TRABD2B: variants seen among roughly 807,000 people sequenced by gnomAD.
The protein encoded by TRABD2B is TraB domain containing 2B.
A neutral mutation model predicts 40.1 loss-of-function variants in TRABD2B; 14 were observed. The observed-to-expected ratio is 0.35, with a 90% confidence interval of 0.23 to 0.55. The LOEUF is 0.55. TRABD2B is among the 20% of genes least tolerant of loss of function. TRABD2B has a pLI of 0.90. For synonymous variants in TRABD2B, 263 were observed against 277.0 expected (o/e 0.95, Z 0.50); for missense variants, 541 against 648.6 (o/e 0.83, Z 1.80).
At chr1:47,858,233 ATTTTAT>A in intron 2 of TRABD2B, among the ~76,000 whole-genome samples, 1 of 67,706 alleles carries the variant, frequency 1.5e-5, no homozygotes, top group African/African-American at 4.8e-5. Context: ...ATTTTATTTT[ATTTTAT>A]TTTATTTTAT....
intron 2 of TRABD2B, among the ~76,000 whole-genome samples, chr1:47,816,364 G>A (rs1391475187): frequency 6.6e-6 from 1 of 152,148 alleles, no homozygotes; most frequent in Non-Finnish European, 1.5e-5. Context: ...GAATAACCAT[G>A]AACTTCTTCA....
intron 2 of TRABD2B, among the ~76,000 whole-genome samples, chr1:47,843,951 C>A (rs1316059405): frequency 6.6e-6 from 1 of 152,184 alleles, no homozygotes; most frequent in Non-Finnish European, 1.5e-5. Flanking sequence ...TCTCGATGGG[C>A]ACCCAGCCCC....
intron 2 of TRABD2B, among the ~76,000 whole-genome samples, chr1:47,955,410 A>G (rs1174711308): frequency 2.0e-5 from 3 of 152,142 alleles, no homozygotes; most frequent in South Asian, 2.1e-4. Flanking sequence ...TTATCCTAAT[A>G]CTCAACTCTG....
chr1:47,889,524 T>C (rs1047265963), intron 2 of TRABD2B, among the ~76,000 whole-genome samples: 3 of 152,216 alleles, frequency 2.0e-5, no homozygotes, highest in Non-Finnish European at 4.4e-5. Context: ...TGGAAGTGAC[T>C]CAAGCCACTG....
At chr1:47,876,325 G>T (rs910845330) in intron 2 of TRABD2B, among the ~76,000 whole-genome samples, 1 of 152,168 alleles carries the variant, frequency 6.6e-6, no homozygotes, top group Non-Finnish European at 1.5e-5. Context: ...TGTCGTCATT[G>T]CCCTGACTTG....
intron 4 of TRABD2B, among the ~76,000 whole-genome samples, chr1:47,782,884 C>T (rs1375787008): frequency 1.3e-5 from 2 of 152,308 alleles, no homozygotes; most frequent in African/African-American, 4.8e-5. Context: ...CAAGGCTTGC[C>T]CAGGCTCCCC....
At chr1:47,986,991 G>A (rs948455150) in intron 2 of TRABD2B, among the ~76,000 whole-genome samples, 2 of 152,180 alleles carry the variant, frequency 1.3e-5, no homozygotes, top group African/African-American at 2.4e-5. Flanking sequence ...GGAAAAGAGC[G>A]TCAGCAGCCC....
At chr1:47,889,361 C>T (rs542544676) in intron 2 of TRABD2B, among the ~76,000 whole-genome samples, 1 of 152,330 alleles carries the variant, frequency 6.6e-6, no homozygotes, top group South Asian at 2.1e-4. Context: ...GAAACAATTT[C>T]TCACCTCTCA....
At position 47,782,947 on chromosome 1, in the gene TRABD2B, TG is replaced by T. The variant is rs559961569; in HGVS notation, c.989-4404del. ...CCTTCCAACACTGACAGCTGTTCTC[TG>T]GCCAGCTCTCTGCAGGAAGATACGT... On this transcript the variant is annotated intron_variant, in intron 4 of 6. Transcript: ENST00000606738. 6.0e-3 allele frequency among the ~76,000 whole-genome samples: 917 copies of T among 152,246 alleles called. 4 individuals carry two copies. The highest frequency in any genetic ancestry group is 8.6e-3 in the Non-Finnish European group (588 of 68,018).
intron 2 of TRABD2B, among the ~76,000 whole-genome samples, chr1:47,970,092 T>G (rs148632603): frequency 6.6e-6 from 1 of 152,104 alleles, no homozygotes; most frequent in African/African-American, 2.4e-5. Context: ...CATTGGTGAA[T>G]GGATGAATGG....
chr1:47,797,550 T>C lies in TRABD2B; in HGVS notation c.814-2790A>G, dbSNP rs887248322. Among the ~76,000 whole-genome samples the C allele has an allele frequency of 2.0e-5, 3 of 152,272 alleles. No homozygotes were observed. The South Asian group carries it at 6.2e-4, about 32-fold the overall frequency. On this transcript the variant is annotated intron_variant, in intron 3 of 6. Transcript: ENST00000606738. ...ACAAAGATGATTCTCCATTTGTTAA[T>C]TGGGGAGTCAAAAAAAATTAACAAG... is the stretch of plus-strand genomic sequence containing the variant.
intron 4 of TRABD2B, among the ~76,000 whole-genome samples, chr1:47,783,202 AG>A (rs1644549881): frequency 6.6e-6 from 1 of 152,006 alleles, no homozygotes; most frequent in Non-Finnish European, 1.5e-5. Context: ...GGAGAGAAAG[AG>A]AAAGGGGCCC....
At chr1:47,935,392 T>C (rs773185727) in intron 2 of TRABD2B, among the ~76,000 whole-genome samples, 31 of 152,324 alleles carry the variant, frequency 2.0e-4, no homozygotes, top group Non-Finnish European at 4.3e-4. Context: ...TTCGCACCCG[T>C]CGTCACTGTA....
chr1:47,819,093 C>T (rs12036694), intron 2 of TRABD2B: 54,631 of 152,168 alleles, frequency 0.36, 10,239 homozygotes, highest in African/African-American at 0.46. Flanking sequence ...GAGGACTCAG[C>T]GTGATAAGGC....
chr1:47,865,845 G>A (rs981150954), intron 2 of TRABD2B, among the ~76,000 whole-genome samples: 1 of 152,056 alleles, frequency 6.6e-6, no homozygotes, highest in African/African-American at 2.4e-5. Context: ...GCAGAAGGAT[G>A]TTACCATGCA....
chr1:47,892,532 T>A (rs545947799), intron 2 of TRABD2B, among the ~76,000 whole-genome samples: 1 of 152,158 alleles, frequency 6.6e-6, no homozygotes, highest in South Asian at 2.1e-4. Context: ...CGGTACAAAG[T>A]AAGAATGGAT....
chr1:47,882,493 G>A (rs1363530141), intron 2 of TRABD2B, among the ~76,000 whole-genome samples: 1 of 152,248 alleles, frequency 6.6e-6, no homozygotes, highest in Non-Finnish European at 1.5e-5. Flanking sequence ...GGTGGTCCCA[G>A]GGTGAAGGAG....
chr1:47,926,224 G>C (rs1274035185), intron 2 of TRABD2B, among the ~76,000 whole-genome samples: 1 of 152,144 alleles, frequency 6.6e-6, no homozygotes, highest in African/African-American at 2.4e-5. Flanking sequence ...GAAGAGGCTG[G>C]GTCCCTGCCC....
rs560137546 is a variant in TRABD2B at position 47,987,047 on chromosome 1, T to C, written c.666+6987A>G. ...CACGCCGGCATTCTTGTTTCCTCCC[T>C]AGGAAAGCTGCATTACCAGGCGACC... On this transcript the variant is annotated intron_variant, in intron 2 of 6. Transcript: ENST00000606738. Among the ~76,000 whole-genome samples, 8 of 152,308 alleles carry C rather than the reference T, an allele frequency of 5.3e-5. No homozygotes were observed. The South Asian group carries it at 1.7e-3, about 32-fold the overall frequency.
Sources: gnomAD v4.1 joint callset for allele counts (sites outside exome capture counted in the v4.1 genomes callset) on GRCh38, gnomAD v4.1.1 for gene constraint, MANE v1.5 for transcripts, NCBI Gene and HGNC (gene_info 2026-07-23, HGNC 2026-07-21) for gene names.